NRG1: variants seen among roughly 807,000 people sequenced by gnomAD.
NRG1 encodes the protein neuregulin 1.
NRG1 carries 18 observed loss-of-function variants against 63.8 expected under a neutral mutation model. The observed-to-expected ratio is 0.28, with a 90% CI of 0.19 to 0.42. The LOEUF (loss-of-function observed/expected upper bound fraction) is 0.42. NRG1 is among the 10% of genes least tolerant of loss of function. NRG1 has a pLI of 1.00. For synonymous variants in NRG1, 302 were observed against 301.3 expected (o/e 1.00, Z -0.02); for missense variants, 762 against 814.7 (o/e 0.94, Z 0.79).
At position 32,242,656 on chromosome 8, in the gene NRG1, C is replaced by T. The variant is rs143462056; in HGVS notation, c.38-353172C>T. Among the ~76,000 whole-genome samples the T allele has an allele frequency of 2.9e-3, 434 of 152,160 alleles. 3 individuals carry two copies. The highest frequency in any genetic ancestry group is 0.01 in the African/African-American group (417 of 41,526). ...AAAACCACAATTATTTTGCACCAAC[C>T]TAATATTTCAGCAGATGTCCTCTGA... is the stretch of plus-strand genomic sequence containing the variant. On this transcript the variant is annotated intron_variant, in intron 1 of 10. Coordinates refer to the NRG1 transcript ENST00000519301.
At chr8:31,660,201 T>C (rs1805844179) in intron 1 of NRG1, among the ~76,000 whole-genome samples, 1 of 152,242 alleles carries the variant, frequency 6.6e-6, no homozygotes, top group East Asian at 1.9e-4. Context: ...ACTTGTTGAT[T>C]ATTTGCTGCT....
chr8:32,566,292 G>T (rs1837430773), intron 1 of NRG1, among the ~76,000 whole-genome samples: 2 of 146,384 alleles, frequency 1.4e-5, no homozygotes, highest in Non-Finnish European at 3.0e-5. Flanking sequence ...GGGAGGGGGA[G>T]GTTGCAGTGA....
intron 1 of NRG1, among the ~76,000 whole-genome samples, chr8:32,206,064 A>G (rs1844031271): frequency 6.6e-6 from 1 of 152,148 alleles, no homozygotes; most frequent in Admixed American, 6.5e-5. Flanking sequence ...TGATCATGCC[A>G]CTGCACTCCA....
chr8:32,159,306 G>C (rs1398898520), intron 1 of NRG1, among the ~76,000 whole-genome samples: 1 of 151,326 alleles, frequency 6.6e-6, no homozygotes, highest in Non-Finnish European at 1.5e-5. Flanking sequence ...AGGCCGAGGC[G>C]GGTGGATCAT....
At chr8:31,791,613 C>T (rs190268704) in intron 1 of NRG1, among the ~76,000 whole-genome samples, 16 of 152,292 alleles carry the variant, frequency 1.1e-4, no homozygotes, top group Admixed American at 3.3e-4. Context: ...TTGATCATTA[C>T]GAAAGATGTC....
At chr8:32,647,660 G>T in intron 5 of NRG1, 3 of 1,499,594 alleles carry the variant, frequency 2.0e-6, no homozygotes, top group East Asian at 2.3e-5. Flanking sequence ...TGGTTGGGGG[G>T]GCCTCTGCGT....
intron 1 of NRG1, among the ~76,000 whole-genome samples, chr8:32,382,053 T>C (rs942172035): frequency 6.6e-6 from 1 of 152,182 alleles, no homozygotes; most frequent in African/African-American, 2.4e-5. Context: ...TAACAATAAA[T>C]TCACTATAAG....
intron 1 of NRG1, among the ~76,000 whole-genome samples, chr8:32,562,570 C>T (rs942202536): frequency 2.6e-5 from 4 of 152,048 alleles, no homozygotes; most frequent in South Asian, 2.1e-4. Context: ...GATTCAAAGT[C>T]GCCTCTGGGT....
At chr8:31,811,016 T>C (rs1822832811) in intron 1 of NRG1, among the ~76,000 whole-genome samples, 1 of 152,240 alleles carries the variant, frequency 6.6e-6, no homozygotes, top group Non-Finnish European at 1.5e-5. Flanking sequence ...TGCCTCTCTC[T>C]CTATAGTTTG....
intron 1 of NRG1, among the ~76,000 whole-genome samples, chr8:32,087,482 C>CTTCT (rs1449998331): frequency 1.1e-5 from 1 of 90,278 alleles, no homozygotes; most frequent in East Asian, 4.0e-4. Flanking sequence ...TCTTTTCTTT[C>CTTCT]TTTTTTTTTT....
chr8:31,827,210 G>C (rs35984112), intron 1 of NRG1, among the ~76,000 whole-genome samples: 36,412 of 152,044 alleles, frequency 0.24, 4,655 homozygotes, highest in Non-Finnish European at 0.27. Context: ...AGCAGATATA[G>C]TGTTTTTAAT....
At chr8:32,014,717 C>A (rs1168443374) in intron 1 of NRG1, among the ~76,000 whole-genome samples, 4 of 142,240 alleles carry the variant, frequency 2.8e-5, no homozygotes, top group Admixed American at 7.0e-5. Flanking sequence ...GCCCCCCAAC[C>A]CCCCCCCAAA....
At chr8:32,125,935 G>A (rs1184404790) in intron 1 of NRG1, among the ~76,000 whole-genome samples, 2 of 151,816 alleles carry the variant, frequency 1.3e-5, no homozygotes, top group Non-Finnish European at 2.9e-5. Flanking sequence ...GTTTGCATGT[G>A]GAGTTCACTG....
chr8:31,879,664 G>C (rs1409524779), intron 1 of NRG1, among the ~76,000 whole-genome samples: 1 of 152,154 alleles, frequency 6.6e-6, no homozygotes, highest in Non-Finnish European at 1.5e-5. Context: ...GAGGTATTAA[G>C]CTCAGTACCT....
intron 1 of NRG1, among the ~76,000 whole-genome samples, chr8:32,002,107 T>C (rs1813030266): frequency 6.6e-6 from 1 of 152,020 alleles, no homozygotes; most frequent in Admixed American, 6.6e-5. Flanking sequence ...CACTACAACC[T>C]CTGCCTCCCA....
At chr8:32,412,646 A>G (rs1433151447) in intron 1 of NRG1, among the ~76,000 whole-genome samples, 1 of 151,624 alleles carries the variant, frequency 6.6e-6, no homozygotes, top group Non-Finnish European at 1.5e-5. Context: ...TGCACACCTA[A>G]CCTGATGCAC....
intron 1 of NRG1, among the ~76,000 whole-genome samples, chr8:32,491,158 T>TGTGTGAGCAACATCTCTTAGAGG (rs1826506715): frequency 6.6e-6 from 1 of 152,178 alleles, no homozygotes; most frequent in Non-Finnish European, 1.5e-5. Flanking sequence ...CCTAGCATGT[T>TGTGTGAGCAACATCTCTTAGAGG]GTGTGAGCAA....
intron 5 of NRG1, chr8:32,647,560 C>G (rs1038124004): frequency 8.1e-6 from 8 of 985,202 alleles, no homozygotes; most frequent in Non-Finnish European, 6.0e-6. Flanking sequence ...TTTCTTCCCC[C>G]CTTGCATCTT....
chr8:32,725,464 ATTTTTTTTTTTTTT>A (rs71209904), intron 5 of NRG1, among the ~76,000 whole-genome samples: 1 of 67,540 alleles, frequency 1.5e-5, no homozygotes, highest in African/African-American at 5.6e-5. Context: ...AAACTTCCTA[ATTTTTTTTTTTTTT>A]TTTTTTTTTT....
Sources: allele counts gnomAD v4.1 joint callset (sites outside exome capture counted in the v4.1 genomes callset), GRCh38; gene constraint gnomAD v4.1.1; transcripts MANE v1.5; gene names NCBI Gene and HGNC (gene_info 2026-07-23, HGNC 2026-07-21).